F7: variants seen among roughly 807,000 people sequenced by gnomAD.
The protein encoded by F7 is coagulation factor VII.
F7 carries 38 observed loss-of-function variants against 47.5 expected under a neutral mutation model. The observed-to-expected ratio is 0.80, with a 90% confidence interval of 0.62 to 1.05. The LOEUF is 1.05. F7 is among the 50% of genes least tolerant of loss of function. The pLI is 0.00. For missense variants in F7, 575 were observed against 605.4 expected (o/e 0.95, Z 0.53); for synonymous variants, 244 against 258.5 (o/e 0.94, Z 0.54).
At chr13:113,110,661 G>A (rs1307644003) in intron 1 of F7, 29 bp from the exon 2 acceptor site, 3 of 1,547,522 alleles carry the variant, frequency 1.9e-6, no homozygotes, top group Non-Finnish European at 2.6e-6. Flanking sequence ...GGCACGCGGT[G>A]GGCGCTTCAC....
At chr13:113,106,013 C>A (rs1160053720) in intron 1 of F7, 108 bp downstream of exon 1, 3 of 957,384 alleles carry the variant, frequency 3.1e-6, no homozygotes, top group Non-Finnish European at 4.6e-6. Context: ...CACCCCCATC[C>A]ACCAGGAGGG....
Position 113,119,359 on chromosome 13 carries a change from A to C in F7, c.*351A>C. The C allele has an allele frequency of 3.1e-6, 1 of 322,898 alleles. No individual in the cohort carries two copies. Among genetic ancestry groups the C allele is most frequent in the Non-Finnish European group, 5.8e-6 (1 of 172,478 alleles). The allele number at this position is 322,898 out of a possible 1,614,324, so 20.0% of individuals were successfully genotyped here. A position where few individuals can be genotyped will look rare whatever the true frequency, so the allele number is the denominator to read the frequency against. On this transcript the variant is annotated 3_prime_UTR_variant, in exon 8 of 8. Coordinates refer to ENST00000346342, the MANE Select transcript of F7 (RefSeq NM_019616.4). ...GCAGACAGCCCAGCTGAGCCTCCTT[A>C]CCTCCCTTCAGCCAAGCCCACCTGC...
At chr13:113,106,984 C>A in intron 1 of F7, 1 of 1,509,984 alleles carries the variant, frequency 6.6e-7, no homozygotes, top group Non-Finnish European at 9.0e-7. Context: ...CCTCCCATGG[C>A]AAAGAGCCAG....
In F7 at chr13:113,119,858, A is replaced by G. The variant is rs1184012603; in HGVS notation, c.*850A>G. On this transcript the variant is annotated 3_prime_UTR_variant, in exon 8 of 8. Transcript: ENST00000346342. The stretch of plus-strand genomic sequence containing the variant: ...CTGGTTCTTATCCATTATCATCTTC[A>G]CTTCAGACAATTCAGAAGCATCACC... 1 of 152,128 alleles carries G rather than the reference A, an allele frequency of 6.6e-6. No homozygotes were observed. Among genetic ancestry groups the G allele is most frequent in the Non-Finnish European group, 1.5e-5 (1 of 68,006 alleles). The allele number at this position is 152,128 out of a possible 1,614,324, so 9.4% of individuals were successfully genotyped here. A position where few individuals can be genotyped will look rare whatever the true frequency, so the allele number is the denominator to read the frequency against.
intron 1 of F7, among the ~76,000 whole-genome samples, chr13:113,108,771 G>A (rs1490251185): frequency 2.8e-5 from 3 of 105,350 alleles, no homozygotes; most frequent in Admixed American, 9.5e-5. Flanking sequence ...GGTGTCCCGG[G>A]AGTGTGGGTG....
intron 4 of F7, among the ~76,000 whole-genome samples, 187 bp downstream of exon 4, chr13:113,114,147 GGAC>G (rs886712603): frequency 1.3e-5 from 2 of 152,068 alleles, no homozygotes; most frequent in Non-Finnish European, 2.9e-5. Flanking sequence ...TCTTTGACAG[GGAC>G]CCAAGGTTCT....
In F7 at chr13:113,115,644, C is replaced by G. The variant is rs753712213; in HGVS notation, c.365-16C>G. 9.9e-6 allele frequency: 16 copies of G among 1,611,626 alleles called. No homozygotes were observed. In the South Asian group the frequency reaches 1.4e-4, roughly 14 times the overall value. On this transcript the variant is annotated splice_polypyrimidine_tract_variant and intron_variant, in intron 4 of 7. Coordinates refer to ENST00000346342, the MANE Select transcript of F7 (RefSeq NM_019616.4). ...CCCCAGAAGCCCCTCTCAGGGTGTC[C>G]CCTTCCTGTCCCCAGACAAGGATGA... is the stretch of plus-strand genomic sequence containing the variant.
intron 1 of F7, chr13:113,110,419 C>T (rs766891095): frequency 2.6e-5 from 11 of 420,504 alleles, no homozygotes; most frequent in East Asian, 9.3e-5. Flanking sequence ...CCCGCAGCCC[C>T]CTTCGGCCCG....
At chr13:113,108,752 A>G (rs574623823) in intron 1 of F7, among the ~76,000 whole-genome samples, 1,995 of 20,254 alleles carry the variant, frequency 0.098, 2 homozygotes, top group East Asian at 0.19. Flanking sequence ...TGGGTGTTCC[A>G]GAGGCGAGGG....
intron 4 of F7, 103 bp from the exon 5 acceptor site, chr13:113,115,557 T>C: frequency 3.0e-6 from 4 of 1,348,790 alleles, no homozygotes; most frequent in Non-Finnish European, 3.1e-6. Context: ...AGTGCCACCT[T>C]CCAGGCAGAA....
At chr13:113,115,895 C>A in intron 5 of F7, 95 bp downstream of exon 5, 1 of 1,540,660 alleles carries the variant, frequency 6.5e-7, no homozygotes, top group Non-Finnish European at 8.9e-7. Flanking sequence ...AGTGGCTTCA[C>A]ATCTACTGAG....
intron 2 of F7, among the ~76,000 whole-genome samples, chr13:113,112,753 C>T (rs980262050): frequency 2.0e-5 from 3 of 149,880 alleles, no homozygotes; most frequent in Non-Finnish European, 4.4e-5. Flanking sequence ...ACCCACAGGA[C>T]ACCTCACACT....
At chr13:113,107,234 T>C (rs1205647513) in intron 1 of F7, among the ~76,000 whole-genome samples, 1 of 150,542 alleles carries the variant, frequency 6.6e-6, no homozygotes, top group Non-Finnish European at 1.5e-5. Context: ...CACACCAGCC[T>C]CCAAGGGTGT....
At chr13:113,115,537 C>T (rs2036178034) in intron 4 of F7, 123 bp from the exon 5 acceptor site, 1 of 1,095,014 alleles carries the variant, frequency 9.1e-7, no homozygotes, top group Non-Finnish European at 1.3e-6. Flanking sequence ...GGCTCTGTCA[C>T]CCACAGCTCA....
intron 1 of F7, 62 bp from the exon 2 acceptor site, chr13:113,110,628 G>T (rs1342374428): frequency 6.5e-7 from 1 of 1,543,914 alleles, no homozygotes; most frequent in Middle Eastern, 2.3e-4. Flanking sequence ...GGGCCGTGGG[G>T]CGGTCTCCGA....
rs779658076 is a variant in F7, at chr13:113,118,937, A to G, written c.1264A>G (p.Ile422Val). The G allele has an allele frequency of 6.2e-7, 1 of 1,610,256 alleles. No homozygotes were observed. Among genetic ancestry groups the G allele is most frequent in the Non-Finnish European group, 8.5e-7 (1 of 1,179,940 alleles). ...GGTGTACACCAGGGTCTCCCAGTAC[A>G]TCGAGTGGCTGCAAAAGCTCATGCG... is the stretch of plus-strand genomic sequence containing the variant. ...FGVYTRVSQY[I>V]EWLQKLMRSE... Residue 422 changes from isoleucine to valine, a missense_variant, in exon 8 of 8, where the codon ATC becomes GTC. Ile to Val is a conservative substitution (Grantham distance 29). Coordinates refer to ENST00000346342, the MANE Select transcript of F7 (RefSeq NM_019616.4).
chr13:113,109,128 G>T (rs796966693), intron 1 of F7, among the ~76,000 whole-genome samples: 1 of 76,912 alleles, frequency 1.3e-5, no homozygotes, highest in Admixed American at 1.5e-4. Flanking sequence ...GGTGTCCCGG[G>T]GGCGTGGGTG....
chr13:113,116,494 C>G (rs995104051), intron 5 of F7, among the ~76,000 whole-genome samples: 1 of 152,250 alleles, frequency 6.6e-6, no homozygotes, highest in Non-Finnish European at 1.5e-5. Context: ...GGTTTTAAGA[C>G]GTAAGCCCTC....
At chr13:113,116,963 G>A (rs1417336764) in intron 6 of F7, 88 bp downstream of exon 6, 2 of 1,118,112 alleles carry the variant, frequency 1.8e-6, no homozygotes, top group Non-Finnish European at 2.7e-6. Context: ...GGGAAAATGG[G>A]CAGGTCAGCC....
Sources: allele counts gnomAD v4.1 joint callset (sites outside exome capture counted in the v4.1 genomes callset), GRCh38; gene constraint gnomAD v4.1.1; transcripts MANE v1.5; gene names NCBI Gene and HGNC (gene_info 2026-07-23, HGNC 2026-07-21).